The following AMPD3 variants were observed in gnomAD, a reference collection of about 807,000 sequenced individuals.
The protein encoded by AMPD3 is adenosine monophosphate deaminase 3, also known as AMP deaminase 3.
In AMPD3, 57 loss-of-function variants were observed where a neutral mutation model predicts 82.3. The observed-to-expected ratio is 0.69, with a 90% CI of 0.56 to 0.86. The LOEUF is 0.86. AMPD3 is among the 40% of genes least tolerant of loss of function. The pLI is 0.00. For missense variants in AMPD3, 870 were observed against 1,003.8 expected (o/e 0.87, Z 1.80); for synonymous variants, 381 against 394.7 (o/e 0.97, Z 0.41).
At chr11:10,501,309 C>T (rs1849573515) in intron 11 of AMPD3, 161 bp from the exon 12 acceptor site, 1 of 985,144 alleles carries the variant, frequency 1.0e-6, no homozygotes, top group African/African-American at 1.7e-5. Context: ...AGGGCCTGGA[C>T]CTCTGCATTT....
intron 2 of AMPD3, among the ~76,000 whole-genome samples, chr11:10,463,949 C>T (rs1415841200): frequency 6.6e-6 from 1 of 152,328 alleles, no homozygotes; most frequent in Non-Finnish European, 1.5e-5. Context: ...ACCATGGACA[C>T]TACATCAGGG....
intron 2 of AMPD3, 27 bp downstream of exon 2, chr11:10,461,767 G>C: frequency 6.4e-7 from 1 of 1,574,800 alleles, no homozygotes; most frequent in Non-Finnish European, 8.6e-7. Context: ...TGGTTTTCGT[G>C]TACATAGAGT....
chr11:10,477,555 C>T (rs1030852361), intron 2 of AMPD3, among the ~76,000 whole-genome samples: 48 of 152,278 alleles, frequency 3.2e-4, no homozygotes, highest in African/African-American at 1.1e-3. Flanking sequence ...TGCAAATAAG[C>T]ATGGGCTTGT....
intron 8 of AMPD3, 128 bp downstream of exon 8, chr11:10,495,158 G>T: frequency 6.3e-7 from 1 of 1,598,728 alleles, no homozygotes. Flanking sequence ...AGGGAAGGGT[G>T]AGGTGCCCAG....
upstream of AMPD3, among the ~76,000 whole-genome samples, chr11:10,454,315 A>G (rs11042814): frequency 0.011 from 1,601 of 152,234 alleles, 37 homozygotes; most frequent in African/African-American, 0.036. Flanking sequence ...ACCCGATGCA[A>G]TGGGTCTCAT....
intron 2 of AMPD3, among the ~76,000 whole-genome samples, chr11:10,468,524 G>T (rs1848488572): frequency 6.6e-6 from 1 of 152,130 alleles, no homozygotes; most frequent in African/African-American, 2.4e-5. Context: ...CATAAAGCAA[G>T]TCTTAGAGAC....
intron 14 of AMPD3, 92 bp downstream of exon 14, chr11:10,504,751 A>G (rs1217201557): frequency 2.5e-6 from 3 of 1,208,918 alleles, no homozygotes; most frequent in Non-Finnish European, 3.7e-6. Flanking sequence ...TCTGTGATGA[A>G]CATAGCAGGC....
Position 10,501,659 on chromosome 11 carries a change from C to T in AMPD3, c.1842+69C>T, listed in dbSNP as rs1849586288. On this transcript the variant is annotated intron_variant, in intron 12 of 14. Coordinates refer to ENST00000396553, the MANE Select transcript of AMPD3 (RefSeq NM_001025389.2). ...GCCCTGGGCTCCTGGGAGGCTCAAC[C>T]AGTGAGGCCAGAAGGCTGGGCCCTC... The T allele has an allele frequency of 2.5e-5, 40 of 1,612,962 alleles. No homozygotes were observed. In the South Asian group the frequency reaches 4.3e-4, roughly 17 times the overall value.
At chr11:10,493,812 C>T in intron 7 of AMPD3, 1 of 545,712 alleles carries the variant, frequency 1.8e-6, no homozygotes, top group Non-Finnish European at 3.3e-6. Flanking sequence ...TTAGGCAACT[C>T]ACAGAAGCCT....
chr11:10,460,581 G>C (rs1021233387), intron 1 of AMPD3, among the ~76,000 whole-genome samples: 2 of 151,108 alleles, frequency 1.3e-5, no homozygotes, highest in African/African-American at 4.9e-5. Flanking sequence ...TAATTTTTTT[G>C]TATTTTTAGT....
upstream of AMPD3, among the ~76,000 whole-genome samples, chr11:10,451,210 C>T (rs945307084): frequency 1.5e-4 from 23 of 152,236 alleles, no homozygotes; most frequent in African/African-American, 5.1e-4. Context: ...GTCCCCTGTT[C>T]CTGTCCCTGT....
intron 8 of AMPD3, 80 bp from the exon 9 acceptor site, chr11:10,495,490 G>A: frequency 1.2e-6 from 2 of 1,608,718 alleles, no homozygotes; most frequent in Non-Finnish European, 1.7e-6. Flanking sequence ...GGAGCAACAG[G>A]ACCCTGCTGG....
intron 6 of AMPD3, among the ~76,000 whole-genome samples, 188 bp from the exon 7 acceptor site, chr11:10,493,161 G>A (rs570970514): frequency 6.6e-6 from 1 of 152,344 alleles, no homozygotes; most frequent in African/African-American, 2.4e-5. Context: ...TGCGCAGCAA[G>A]GCTGAAAGGG....
intron 13 of AMPD3, 69 bp from the exon 14 acceptor site, chr11:10,504,480 T>G: frequency 6.8e-7 from 1 of 1,475,602 alleles, no homozygotes. Context: ...GTTGTTAGCT[T>G]TGGACATGTG....
At chr11:10,497,779 G>A in intron 10 of AMPD3, 1 of 985,394 alleles carries the variant, frequency 1.0e-6, no homozygotes, top group Non-Finnish European at 1.2e-6. Flanking sequence ...AGGGGAGCTT[G>A]ACCCAGCGGA....
chr11:10,474,336 G>A (rs1217731287), intron 2 of AMPD3, among the ~76,000 whole-genome samples: 3 of 152,222 alleles, frequency 2.0e-5, no homozygotes, highest in African/African-American at 7.2e-5. Flanking sequence ...CTGCCTAGTA[G>A]TCATCTGGAC....
At chr11:10,502,271 TC>T in intron 12 of AMPD3, 7 of 985,448 alleles carry the variant, frequency 7.1e-6, no homozygotes, top group Non-Finnish European at 8.4e-6. Context: ...GGTCCACCCC[TC>T]CCATCCCTTC....
intron 2 of AMPD3, among the ~76,000 whole-genome samples, chr11:10,470,216 C>T (rs1385015854): frequency 6.6e-6 from 1 of 152,204 alleles, no homozygotes; most frequent in Admixed American, 6.5e-5. Flanking sequence ...ACGAAAACCA[C>T]ATGATTATCT....
intron 3 of AMPD3, among the ~76,000 whole-genome samples, chr11:10,479,084 G>C (rs1259220132): frequency 6.6e-6 from 1 of 152,200 alleles, no homozygotes; most frequent in East Asian, 1.9e-4. Flanking sequence ...ATGTTTAGTA[G>C]ATTCAAAGCC....
Sources: gnomAD v4.1 joint callset for allele counts (sites outside exome capture counted in the v4.1 genomes callset) on GRCh38, gnomAD v4.1.1 for gene constraint, MANE v1.5 for transcripts, NCBI Gene and HGNC (gene_info 2026-07-23, HGNC 2026-07-21) for gene names.